PCDH9: variants seen among roughly 807,000 people sequenced by gnomAD.
The protein encoded by PCDH9 is protocadherin-9.
Under a neutral mutation model 70.6 loss-of-function variants are expected in PCDH9, and 24 were observed. The observed-to-expected ratio is 0.34, with a 90% CI of 0.25 to 0.48. The LOEUF is 0.48. PCDH9 is among the 20% of genes least tolerant of loss of function. The probability of loss-of-function intolerance (pLI) is 0.99; values close to 1 mark genes in which losing one functional copy is unlikely to be tolerated. For missense variants in PCDH9, 1,281 were observed against 1,503.6 expected (o/e 0.85, Z 2.45); for synonymous variants, 562 against 558.5 (o/e 1.01, Z -0.09).
chr13:66,321,133 T>C (rs1955746044), intron 4 of PCDH9, among the ~76,000 whole-genome samples: 2 of 151,972 alleles, frequency 1.3e-5, no homozygotes, highest in Admixed American at 1.3e-4. Flanking sequence ...TGTAAATATA[T>C]ACCAATGATT....
At chr13:66,439,392 T>C (rs570316100) in intron 4 of PCDH9, among the ~76,000 whole-genome samples, 2 of 152,324 alleles carry the variant, frequency 1.3e-5, no homozygotes, top group South Asian at 4.1e-4. Flanking sequence ...CGGTTAAGAA[T>C]ACTGTATTGT....
chr13:66,894,870 C>G (rs556170770), intron 3 of PCDH9, among the ~76,000 whole-genome samples: 1 of 151,506 alleles, frequency 6.6e-6, no homozygotes, highest in Non-Finnish European at 1.5e-5. Flanking sequence ...TGCAGTGGCA[C>G]GATCTCAGCT....
chr13:66,483,711 T>C (rs1958883667), intron 4 of PCDH9, among the ~76,000 whole-genome samples: 1 of 152,030 alleles, frequency 6.6e-6, no homozygotes, highest in Admixed American at 6.6e-5. Context: ...AGGAGACAAG[T>C]GCTGGGTAGA....
At chr13:66,595,737 T>C (rs989402641) in intron 4 of PCDH9, among the ~76,000 whole-genome samples, 2 of 151,686 alleles carry the variant, frequency 1.3e-5, no homozygotes, top group Non-Finnish European at 3.0e-5. Context: ...AAAGTAGACT[T>C]ATGAATAGTC....
At chr13:66,761,207 G>A (rs1019210357) in intron 3 of PCDH9, among the ~76,000 whole-genome samples, 1 of 151,946 alleles carries the variant, frequency 6.6e-6, no homozygotes, top group Admixed American at 6.6e-5. Flanking sequence ...TGGGCATCAC[G>A]GAACCTGCTG....
intron 3 of PCDH9, among the ~76,000 whole-genome samples, chr13:66,798,419 G>C (rs560952504): frequency 1.3e-5 from 2 of 152,058 alleles, no homozygotes; most frequent in Non-Finnish European, 2.9e-5. Context: ...GCAGGCATAG[G>C]TGTGCACAGA....
intron 3 of PCDH9, among the ~76,000 whole-genome samples, chr13:66,843,908 G>A (rs2081158894): frequency 6.6e-6 from 1 of 152,304 alleles, no homozygotes; most frequent in African/African-American, 2.4e-5. Context: ...GTATGTAAGT[G>A]CATTCAGGGC....
chr13:66,561,474 C>T (rs1962030449), intron 4 of PCDH9, among the ~76,000 whole-genome samples: 1 of 152,216 alleles, frequency 6.6e-6, no homozygotes, highest in Non-Finnish European at 1.5e-5. Context: ...CTGGGTGAAG[C>T]CAGCTGGGCT....
chr13:66,367,313 C>T (rs1223780669), intron 4 of PCDH9, among the ~76,000 whole-genome samples: 1 of 152,080 alleles, frequency 6.6e-6, no homozygotes, highest in Non-Finnish European at 1.5e-5. Flanking sequence ...TAGAAACATG[C>T]TCACAGTGGT....
At chr13:67,096,883 A>G (rs2086330672) in intron 2 of PCDH9, among the ~76,000 whole-genome samples, 1 of 152,094 alleles carries the variant, frequency 6.6e-6, no homozygotes, top group Non-Finnish European at 1.5e-5. Context: ...CCTATGTAAA[A>G]CTGAAAACAT....
At chr13:67,179,299 A>G (rs1424637257) in intron 2 of PCDH9, among the ~76,000 whole-genome samples, 1 of 152,132 alleles carries the variant, frequency 6.6e-6, no homozygotes, top group African/African-American at 2.4e-5. Context: ...CCAAAGTTCC[A>G]TGTAGAAATT....
At chr13:67,093,487 G>A (rs1566420279) in intron 2 of PCDH9, among the ~76,000 whole-genome samples, 2 of 151,832 alleles carry the variant, frequency 1.3e-5, no homozygotes, top group Non-Finnish European at 2.9e-5. Flanking sequence ...ATAAATAAAC[G>A]AGCAAAATTA....
chr13:66,421,741 G>A (rs994081736), intron 4 of PCDH9, among the ~76,000 whole-genome samples: 2 of 152,132 alleles, frequency 1.3e-5, no homozygotes, highest in Non-Finnish European at 2.9e-5. Context: ...ACACTATGAA[G>A]AAACTGCACC....
At chr13:66,866,648 T>C (rs2081581287) in intron 3 of PCDH9, among the ~76,000 whole-genome samples, 1 of 151,606 alleles carries the variant, frequency 6.6e-6, no homozygotes, top group African/African-American at 2.4e-5. Context: ...AATACAAAAA[T>C]TAGCCGGCCG....
At chr13:66,953,684 C>G (rs1218050586) in intron 2 of PCDH9, among the ~76,000 whole-genome samples, 1 of 152,102 alleles carries the variant, frequency 6.6e-6, no homozygotes, top group Non-Finnish European at 1.5e-5. Context: ...TTTGTGGATC[C>G]TCATTTACCA....
In PCDH9 at chr13:66,929,576, C is replaced by T. The variant is rs144006137; in HGVS notation, c.3037-25971G>A. Among the ~76,000 whole-genome samples the T allele has an allele frequency of 3.8e-3, 579 of 152,074 alleles. 6 individuals are homozygous for T. Among genetic ancestry groups the T allele is most frequent in the African/African-American group, 0.013 (528 of 41,504 alleles). On this transcript the variant is annotated intron_variant, in intron 2 of 4. Coordinates refer to ENST00000377865, the MANE Select transcript of PCDH9 (RefSeq NM_203487.3). The stretch of plus-strand genomic sequence containing the variant: ...AGACCTCAGGTGATCCACCTGCCTC[C>T]GCCTCCCAAAGTGCTGGGATTACAG...
At chr13:66,465,032 G>A (rs1193440484) in intron 4 of PCDH9, among the ~76,000 whole-genome samples, 2 of 151,870 alleles carry the variant, frequency 1.3e-5, no homozygotes, top group Non-Finnish European at 2.9e-5. Flanking sequence ...TAGGGTGAAA[G>A]CATATTAGCC....
intron 2 of PCDH9, among the ~76,000 whole-genome samples, chr13:67,074,977 A>C (rs557778389): frequency 6.6e-6 from 1 of 152,086 alleles, no homozygotes; most frequent in African/African-American, 2.4e-5. Context: ...CTAAGTTTAG[A>C]CATTTTTTTT....
intron 3 of PCDH9, among the ~76,000 whole-genome samples, chr13:66,860,709 GCA>G (rs1326067493): frequency 6.6e-6 from 1 of 152,170 alleles, no homozygotes; most frequent in Non-Finnish European, 1.5e-5. Flanking sequence ...GAGACTCATG[GCA>G]CTGTCTTCTT....
Sources: allele counts gnomAD v4.1 joint callset (sites outside exome capture counted in the v4.1 genomes callset), GRCh38; gene constraint gnomAD v4.1.1; transcripts MANE v1.5; gene names NCBI Gene and HGNC (gene_info 2026-07-23, HGNC 2026-07-21).